Variants in HK2 observed in about 807,000 individuals in gnomAD.
HK2 encodes the protein hexokinase-2.
A neutral mutation model predicts 92.9 loss-of-function variants in HK2; 42 were observed. That is an observed-to-expected ratio of 0.45 (90% confidence interval 0.35 to 0.58). HK2 has a LOEUF of 0.58. HK2 is among the 20% of genes least tolerant of loss of function. HK2 has a pLI of 0.00. For synonymous variants in HK2, 422 were observed against 468.0 expected (o/e 0.90, Z 1.27); for missense variants, 978 against 1,245.1 (o/e 0.79, Z 3.23).
At chr2:74,862,357 C>T (rs1445736779) in intron 2 of HK2, among the ~76,000 whole-genome samples, 1 of 152,244 alleles carries the variant, frequency 6.6e-6, no homozygotes, top group Non-Finnish European at 1.5e-5. Context: ...CTAACCTAGG[C>T]CTAGCTGTTC....
At chr2:74,880,010 T>C (rs1004953018) in intron 9 of HK2, among the ~76,000 whole-genome samples, 2 of 152,148 alleles carry the variant, frequency 1.3e-5, no homozygotes, top group East Asian at 1.9e-4. Context: ...TGTGGCTGCA[T>C]GTAGGGGACA....
intron 2 of HK2, among the ~76,000 whole-genome samples, chr2:74,855,008 A>T (rs116418748): frequency 0.012 from 1,754 of 152,140 alleles, 20 homozygotes; most frequent in Non-Finnish European, 0.013. Context: ...ATATATATAT[A>T]TTTTTTTGAG....
intron 3 of HK2, among the ~76,000 whole-genome samples, chr2:74,870,019 T>G (rs1200673458): frequency 4.0e-5 from 5 of 126,006 alleles, no homozygotes; most frequent in African/African-American, 3.2e-5. Context: ...TTTTTTTTTT[T>G]GAGACAGTCT....
intron 5 of HK2, 42 bp from the exon 6 acceptor site, chr2:74,873,802 C>G: frequency 7.1e-7 from 1 of 1,409,932 alleles, no homozygotes; most frequent in Non-Finnish European, 1.0e-6. Flanking sequence ...AAGTCGCCCT[C>G]TGTGATGATG....
chr2:74,886,257 T>C lies in HK2; in HGVS notation c.1936-37T>C, dbSNP rs772551120. ...TTGTCTGAAAGGAGAATATTGGGGT[T>C]CACCTGTGAACTGGGCATCTGCTTC... On this transcript the variant is annotated intron_variant, in intron 13 of 17. Coordinates refer to ENST00000290573, the MANE Select transcript of HK2 (RefSeq NM_000189.5). The C allele has an allele frequency of 4.9e-5, 72 of 1,457,870 alleles. 3 individuals are homozygous for C. The Middle Eastern group carries it at 7.4e-3, about 150-fold the overall frequency. 90.3% of individuals were successfully genotyped at this position (1,457,870 alleles called of 1,614,324 possible). A position where few individuals can be genotyped will look rare whatever the true frequency, so the allele number is the denominator to read the frequency against.
intron 17 of HK2, among the ~76,000 whole-genome samples, 158 bp from the exon 18 acceptor site, chr2:74,890,639 T>C (rs1401683411): frequency 6.6e-6 from 1 of 152,230 alleles, no homozygotes; most frequent in African/African-American, 2.4e-5. Flanking sequence ...CTTAATAATA[T>C]ATAGTAAATG....
chr2:74,891,005 G>C lies in HK2; in HGVS notation c.*64G>C. Reference sequence around the variant, plus strand: ...TCTTCCCTGTTTTAAATTATAAGATGTCATCCCCTTGTGTCAGAGACAGAC... The same window carrying C: ...TCTTCCCTGTTTTAAATTATAAGATCTCATCCCCTTGTGTCAGAGACAGAC... On this transcript the variant is annotated 3_prime_UTR_variant, in exon 18 of 18. Coordinates refer to ENST00000290573, the MANE Select transcript of HK2 (RefSeq NM_000189.5). The C allele has an allele frequency of 6.3e-7, 1 of 1,574,860 alleles. No individual in the cohort carries two copies.
rs1296431124 is a variant in HK2 at position 74,891,443 on chromosome 2, G to C, written c.*502G>C. ...ACGTGGGGAGGGTGGAGGGGTGACAGTGGAGGAAAATCCATGGATATCCAC... is the reference window on the plus strand; with the variant it reads ...ACGTGGGGAGGGTGGAGGGGTGACACTGGAGGAAAATCCATGGATATCCAC... On this transcript the variant is annotated 3_prime_UTR_variant, in exon 18 of 18. Coordinates refer to ENST00000290573, the MANE Select transcript of HK2 (RefSeq NM_000189.5). 1 of 167,250 alleles carries C rather than the reference G, an allele frequency of 6.0e-6. No homozygotes were observed. Among genetic ancestry groups the C allele is most frequent in the African/African-American group, 2.4e-5 (1 of 41,734 alleles). The allele number at this position is 167,250 out of a possible 1,614,324, so 10.4% of individuals were successfully genotyped here.
At chr2:74,863,200 T>C (rs1401931162) in intron 2 of HK2, among the ~76,000 whole-genome samples, 1 of 152,236 alleles carries the variant, frequency 6.6e-6, no homozygotes, top group Non-Finnish European at 1.5e-5. Flanking sequence ...CTAGGAGCTT[T>C]AGGGTGCCAG....
intron 10 of HK2, 105 bp downstream of exon 10, chr2:74,880,674 C>T (rs1211835490): frequency 8.6e-7 from 1 of 1,168,706 alleles, no homozygotes; most frequent in Non-Finnish European, 1.2e-6. Context: ...TGAACCAGAA[C>T]ACGTTTCTTC....
chr2:74,880,698 G>C (rs2103988896), intron 10 of HK2, 129 bp downstream of exon 10: 6 of 926,352 alleles, frequency 6.5e-6, no homozygotes, highest in Non-Finnish European at 1.0e-5. Flanking sequence ...CGTATTACTA[G>C]GGAGTTCTAG....
chr2:74,873,248 C>T (rs1689142899), intron 4 of HK2, 28 bp from the exon 5 acceptor site: 1 of 1,537,098 alleles, frequency 6.5e-7, no homozygotes, highest in Non-Finnish European at 9.0e-7. Flanking sequence ...AGTGGGAAAT[C>T]AATATTCACT....
At chr2:74,885,640 C>G in intron 13 of HK2, 51 bp downstream of exon 13, 7 of 1,209,468 alleles carry the variant, frequency 5.8e-6, no homozygotes, top group Non-Finnish European at 8.6e-6. Flanking sequence ...CAATGATTGG[C>G]CTGGTCTGTG....
intron 1 of HK2, among the ~76,000 whole-genome samples, chr2:74,851,928 G>T (rs1464198178): frequency 6.6e-6 from 1 of 152,234 alleles, no homozygotes; most frequent in East Asian, 1.9e-4. Context: ...TGTTTGACCT[G>T]TATAGACCCT....
In HK2 at chr2:74,867,645, A is replaced by C. The variant is rs754918213; in HGVS notation, c.236A>C (p.Glu79Ala). Reference sequence around the variant, plus strand: ...CTTCCTTTCTCTGCAGAACACGGAGAGTTCCTGGCTCTGGATCTTGGAGGG... The same window carrying C: ...CTTCCTTTCTCTGCAGAACACGGAGCGTTCCTGGCTCTGGATCTTGGAGGG... ...RSTPDGTEHGEFLALDLGGTN... is the reference protein window; with the variant it reads ...RSTPDGTEHGAFLALDLGGTN... Residue 79 changes from glutamate to alanine, a missense_variant, in exon 3 of 18, where the codon GAG becomes GCG. By Grantham distance (107) the Glu-to-Ala change is moderately radical. Around this residue, in one of 3 missense-constraint regions of HK2, gnomAD observed 189 missense variants for 289.5 expected, o/e 0.65. Transcript: ENST00000290573. 2.5e-6 allele frequency: 4 copies of C among 1,613,348 alleles called. No homozygotes were observed. The highest frequency in any genetic ancestry group is 3.4e-6 in the Non-Finnish European group (4 of 1,179,996).
intron 3 of HK2, 105 bp downstream of exon 3, chr2:74,867,889 C>T: frequency 7.7e-7 from 1 of 1,294,646 alleles, no homozygotes; most frequent in South Asian, 1.2e-5. Flanking sequence ...GGCAGTCACC[C>T]AAGACACTCA....
At chr2:74,850,768 T>A (rs1204525457) in intron 1 of HK2, among the ~76,000 whole-genome samples, 2 of 152,182 alleles carry the variant, frequency 1.3e-5, no homozygotes, top group African/African-American at 4.8e-5. Flanking sequence ...CTGCTTCCCT[T>A]GGCTACCAAC....
intron 2 of HK2, among the ~76,000 whole-genome samples, chr2:74,866,162 C>T (rs1387761237): frequency 6.6e-6 from 1 of 152,060 alleles, no homozygotes; most frequent in African/African-American, 2.4e-5. Context: ...GTGGTGTTCT[C>T]AGGGAGCTGG....
chr2:74,879,176 C>G (rs1689319099), intron 9 of HK2, among the ~76,000 whole-genome samples: 1 of 152,288 alleles, frequency 6.6e-6, no homozygotes, highest in South Asian at 2.1e-4. Context: ...GCTGGACACT[C>G]TCTTTGCCAC....
Sources: gnomAD v4.1 joint callset for allele counts (sites outside exome capture counted in the v4.1 genomes callset) on GRCh38, gnomAD v4.1.1 for gene constraint, gnomAD v4.1.1 regional missense constraint, MANE v1.5 for transcripts, NCBI Gene and HGNC (gene_info 2026-07-23, HGNC 2026-07-21) for gene names.